TLL2: variants seen among roughly 807,000 people sequenced by gnomAD.
TLL2 encodes tolloid-like protein 2.
Under a neutral mutation model 123.0 loss-of-function variants are expected in TLL2, and 106 were observed. The observed-to-expected ratio is 0.86, with a 90% confidence interval of 0.74 to 1.01. TLL2 has a LOEUF of 1.01. Ranked by LOEUF, TLL2 falls within the 50% of genes least tolerant of loss-of-function variation. The pLI, the probability that TLL2 is intolerant of heterozygous loss-of-function variation, is 0.00. For missense variants in TLL2, 1,332 were observed against 1,336.7 expected, an observed-to-expected ratio of 1.00 and a Z score of 0.06; for synonymous variants, 494 against 516.8, an observed-to-expected ratio of 0.96 and a Z score of 0.60.
intron 3 of TLL2, among the ~76,000 whole-genome samples, chr10:96,435,742 G>C (rs1049853736): frequency 1.4e-4 from 21 of 152,258 alleles, no homozygotes; most frequent in African/African-American, 4.6e-4. Context: ...AATTGTCTTG[G>C]TGCTCTTGTC....
intron 3 of TLL2, among the ~76,000 whole-genome samples, chr10:96,434,801 C>T (rs1363907974): frequency 2.0e-5 from 3 of 152,126 alleles, no homozygotes; most frequent in Non-Finnish European, 4.4e-5. Flanking sequence ...TACATTCTCA[C>T]CAGAAATACA....
chr10:96,450,286 C>T (rs531942252), intron 2 of TLL2, among the ~76,000 whole-genome samples: 6 of 152,250 alleles, frequency 3.9e-5, no homozygotes, highest in Non-Finnish European at 7.4e-5. Context: ...TCCTTATCAG[C>T]TTTTATGGAG....
chr10:96,447,964 C>G (rs1206985000), intron 2 of TLL2, among the ~76,000 whole-genome samples: 2 of 152,134 alleles, frequency 1.3e-5, no homozygotes, highest in Non-Finnish European at 2.9e-5. Flanking sequence ...GCTGCTCAAC[C>G]AAGGCTCACA....
intron 9 of TLL2, among the ~76,000 whole-genome samples, chr10:96,407,486 C>T (rs1846462017): frequency 6.6e-6 from 1 of 152,200 alleles, no homozygotes; most frequent in African/African-American, 2.4e-5. Context: ...ACACACATCA[C>T]TGTGCTATTG....
intron 13 of TLL2, 130 bp downstream of exon 13, chr10:96,395,057 G>T: frequency 1.0e-6 from 1 of 962,718 alleles, no homozygotes; most frequent in Non-Finnish European, 1.5e-6. Context: ...GCTCTGAAAT[G>T]CATCGCTGCC....
intron 13 of TLL2, among the ~76,000 whole-genome samples, chr10:96,392,973 G>A (rs1026665604): frequency 2.6e-5 from 4 of 152,172 alleles, no homozygotes; most frequent in African/African-American, 9.7e-5. Flanking sequence ...TGTGCTGACC[G>A]GAGCAGAGGT....
intron 10 of TLL2, among the ~76,000 whole-genome samples, chr10:96,401,522 ACACG>A (rs1399398520): frequency 6.6e-6 from 1 of 150,670 alleles, no homozygotes; most frequent in Non-Finnish European, 1.5e-5. Context: ...ACACACACAC[ACACG>A]CACACACACA....
At position 96,395,168 on chromosome 10, in the gene TLL2, A is replaced by G. The variant is rs1846325732; in HGVS notation, c.1726+19T>C. The G allele has an allele frequency of 3.2e-6, 5 of 1,578,398 alleles. No individual in the cohort carries two copies. The highest frequency in any genetic ancestry group is 4.3e-6 in the Non-Finnish European group (5 of 1,160,592). ...TTTCTTCTTGTGCCTAAAAGTGGAA[A>G]CAAACTGCTAATTCATACCCTTGAA... On this transcript the variant is annotated intron_variant, in intron 13 of 20. Transcript: ENST00000357947.
intron 6 of TLL2, 47 bp from the exon 7 acceptor site, chr10:96,421,108 C>A: frequency 6.7e-7 from 1 of 1,488,210 alleles, no homozygotes; most frequent in African/African-American, 1.4e-5. Context: ...AAGTCAGGCA[C>A]CTGAAAGGAG....
At chr10:96,392,234 G>C (rs1045686565) in intron 13 of TLL2, among the ~76,000 whole-genome samples, 1 of 152,088 alleles carries the variant, frequency 6.6e-6, no homozygotes, top group Non-Finnish European at 1.5e-5. Flanking sequence ...GCACTTCCTC[G>C]GTCTCTTACA....
chr10:96,457,856 T>C (rs949228047), intron 2 of TLL2, among the ~76,000 whole-genome samples: 2 of 152,234 alleles, frequency 1.3e-5, no homozygotes, highest in Non-Finnish European at 2.9e-5. Context: ...AGGAAGATTC[T>C]AGAATAAACT....
chr10:96,448,772 G>T (rs1846925666), intron 2 of TLL2, among the ~76,000 whole-genome samples: 1 of 152,050 alleles, frequency 6.6e-6, no homozygotes, highest in Non-Finnish European at 1.5e-5. Flanking sequence ...TGCTTGGCCG[G>T]GGGGAGGTGG....
intron 7 of TLL2, among the ~76,000 whole-genome samples, chr10:96,420,181 A>G (rs1846605569): frequency 6.6e-6 from 1 of 152,382 alleles, no homozygotes; most frequent in African/African-American, 2.4e-5. Context: ...AAGTACCAAG[A>G]GAGAAAATAT....
rs1466902949 is a variant in TLL2, at chr10:96,476,238, A to ATTTTTT, written c.286+4110_286+4111insAAAAAA. On this transcript the variant is annotated intron_variant, in intron 2 of 20. Transcript: ENST00000357947. ...ATTTTATATGTATATATATATATAT[A>ATTTTTT]TATTTTATTTTTGTTGTTGTTGTTG... is the stretch of plus-strand genomic sequence containing the variant. Among the ~76,000 whole-genome samples the ATTTTTT allele has an allele frequency of 1.1e-4, 2 of 17,520 alleles. 1 individual carries two copies. Among genetic ancestry groups the ATTTTTT allele is most frequent in the African/African-American group, 4.0e-4 (2 of 5,028 alleles). The allele number at this position is 17,520 out of a possible 152,430, so 11.5% of individuals were successfully genotyped here. A position where few individuals can be genotyped will look rare whatever the true frequency, so the allele number is the denominator to read the frequency against.
intron 1 of TLL2, among the ~76,000 whole-genome samples, chr10:96,503,040 G>A (rs1008806599): frequency 2.0e-5 from 3 of 152,140 alleles, no homozygotes; most frequent in South Asian, 4.1e-4. Context: ...AGGCAGAACC[G>A]TATTATGAGC....
At chr10:96,494,961 T>C (rs1847455427) in intron 1 of TLL2, among the ~76,000 whole-genome samples, 1 of 152,206 alleles carries the variant, frequency 6.6e-6, no homozygotes. Flanking sequence ...GTGACTCACA[T>C]GGACACTGCA....
chr10:96,500,053 G>T (rs574224734), intron 1 of TLL2, among the ~76,000 whole-genome samples: 1 of 147,892 alleles, frequency 6.8e-6, no homozygotes, highest in African/African-American at 2.5e-5. Context: ...GGCTGAAGTA[G>T]GTAAGTCACT....
intron 1 of TLL2, among the ~76,000 whole-genome samples, chr10:96,501,205 G>A (rs1847530315): frequency 6.6e-6 from 1 of 152,198 alleles, no homozygotes; most frequent in South Asian, 2.1e-4. Context: ...GTGTAGTTAA[G>A]GAAAACATTT....
intron 2 of TLL2, 30 bp from the exon 3 acceptor site, chr10:96,446,198 G>GGACA: frequency 6.2e-7 from 1 of 1,609,720 alleles, no homozygotes; most frequent in African/African-American, 1.3e-5. Flanking sequence ...AGAGGCATGA[G>GGACA]GACACATCAG....
Sources: gnomAD v4.1 joint callset for allele counts (sites outside exome capture counted in the v4.1 genomes callset) on GRCh38, gnomAD v4.1.1 for gene constraint, MANE v1.5 for transcripts, NCBI Gene and HGNC (gene_info 2026-07-23, HGNC 2026-07-21) for gene names.